Variants in SHLD1 observed in about 807,000 individuals in gnomAD.
The protein encoded by SHLD1 is RINN1-REV7-interacting novel NHEJ regulator 3.
In SHLD1, 3 loss-of-function variants were observed where a neutral mutation model predicts 5.5. The observed-to-expected ratio is 0.54, with a 90% confidence interval of 0.25 to 1.40. The LOEUF is 1.40. Among genes scored for constraint, SHLD1 ranks in the 40% most tolerant of loss-of-function variants. SHLD1 has a pLI of 0.15. For missense variants in SHLD1, 210 were observed against 244.4 expected, an observed-to-expected ratio of 0.86 and a Z score of 0.94; for synonymous variants, 92 against 94.3, an observed-to-expected ratio of 0.98 and a Z score of 0.14.
intron 2 of SHLD1, among the ~76,000 whole-genome samples, chr20:5,852,097 C>T (rs1277832449): frequency 2.0e-5 from 3 of 152,136 alleles, no homozygotes; most frequent in Admixed American, 2.0e-4. Flanking sequence ...CTGAGGCCTC[C>T]TTAGAAGCCT....
At chr20:5,830,234 C>T (rs768566402) in intron 2 of SHLD1, among the ~76,000 whole-genome samples, 23 of 152,158 alleles carry the variant, frequency 1.5e-4, no homozygotes, top group Non-Finnish European at 2.5e-4. Flanking sequence ...TGCCCTTTAT[C>T]AGATAAATAA....
chr20:5,800,087 G>A (rs1160960585), intron 2 of SHLD1, among the ~76,000 whole-genome samples: 1 of 152,146 alleles, frequency 6.6e-6, no homozygotes, highest in Non-Finnish European at 1.5e-5. Context: ...CTGGGTAGGG[G>A]GCAGTGCTAC....
chr20:5,854,086 A>G (rs909146939), intron 2 of SHLD1, among the ~76,000 whole-genome samples: 8 of 149,590 alleles, frequency 5.3e-5, no homozygotes, highest in Non-Finnish European at 1.0e-4. Context: ...GCTCACTGCA[A>G]CCTCCACCTC....
intron 2 of SHLD1, among the ~76,000 whole-genome samples, chr20:5,776,400 A>G (rs1985429550): frequency 6.6e-6 from 1 of 152,098 alleles, no homozygotes; most frequent in South Asian, 2.1e-4. Flanking sequence ...TATGGCCTAG[A>G]GAGAGAGCCT....
chr20:5,772,764 A>G (rs1985234429), intron 1 of SHLD1, 98 bp from the exon 2 acceptor site: 1 of 1,199,004 alleles, frequency 8.3e-7, no homozygotes, highest in African/African-American at 1.5e-5. Context: ...TAAAAATAAA[A>G]ATAAAAAACA....
chr20:5,830,504 A>C (rs2087715699), intron 2 of SHLD1, among the ~76,000 whole-genome samples: 1 of 151,920 alleles, frequency 6.6e-6, no homozygotes, highest in African/African-American at 2.4e-5. Flanking sequence ...ACATGGACCA[A>C]CATGACCAAC....
Position 5,769,644 on chromosome 20 carries a change from GTCTC to G in SHLD1, c.-4-3211_-4-3208del, listed in dbSNP as rs200073176. On this transcript the variant is annotated intron_variant, in intron 1 of 2. Coordinates refer to ENST00000303142, the MANE Select transcript of SHLD1 (RefSeq NM_152504.4). ...CTGTAATATAAGTTATGTGAATGTG[GTCTC>G]TCTCTCAAAATATCTTATTGTACTA... Among the ~76,000 whole-genome samples the G allele has an allele frequency of 5.4e-3, 824 of 152,258 alleles. 7 individuals are homozygous for G. Among genetic ancestry groups the G allele is most frequent in the African/African-American group, 0.019 (780 of 41,554 alleles).
intron 1 of SHLD1, among the ~76,000 whole-genome samples, chr20:5,767,618 C>T (rs906066723): frequency 4.6e-5 from 7 of 152,294 alleles, no homozygotes; most frequent in Non-Finnish European, 7.3e-5. Flanking sequence ...GGCTTAAGTG[C>T]GACAAGTCCA....
intron 2 of SHLD1, among the ~76,000 whole-genome samples, chr20:5,775,923 A>AATTTTTTTTTT (rs1985401150): frequency 1.3e-5 from 1 of 77,678 alleles, no homozygotes; most frequent in African/African-American, 6.0e-5. Flanking sequence ...TCAGCTCAGG[A>AATTTTTTTTTT]TTTTTTTTTT....
intron 2 of SHLD1, among the ~76,000 whole-genome samples, chr20:5,828,159 G>C (rs2122431444): frequency 6.6e-6 from 1 of 152,200 alleles, no homozygotes; most frequent in East Asian, 1.9e-4. Context: ...TCTAGATTTA[G>C]TCACTGTCAT....
chr20:5,780,888 A>C (rs963525258), intron 2 of SHLD1, among the ~76,000 whole-genome samples: 1 of 152,158 alleles, frequency 6.6e-6, no homozygotes, highest in Non-Finnish European at 1.5e-5. Flanking sequence ...TCCTTTTGCT[A>C]TGTGCCCAAC....
chr20:5,837,031 A>G (rs1038661362), intron 2 of SHLD1, among the ~76,000 whole-genome samples: 1 of 152,206 alleles, frequency 6.6e-6, no homozygotes, highest in African/African-American at 2.4e-5. Context: ...TAGGAGTGGA[A>G]CTGAGTGGGG....
In SHLD1 at chr20:5,751,409, C is replaced by G. The variant is rs571795605; in HGVS notation, c.-5+930C>G. Among the ~76,000 whole-genome samples the G allele has an allele frequency of 9.2e-5, 14 of 152,216 alleles. No individual in the cohort carries two copies. The South Asian group carries it at 2.9e-3, about 32-fold the overall frequency. ...GCAACCTCTGCTGCCCAGGTTCAAG[C>G]TAGTCTCCTGCCTGAGCCTCCCGAG... On this transcript the variant is annotated intron_variant, in intron 1 of 2. Coordinates refer to ENST00000303142, the MANE Select transcript of SHLD1 (RefSeq NM_152504.4).
chr20:5,845,258 T>G (rs1333819943), intron 2 of SHLD1, among the ~76,000 whole-genome samples: 4 of 152,260 alleles, frequency 2.6e-5, no homozygotes, highest in African/African-American at 9.6e-5. Context: ...TAGCATGTGC[T>G]GGGCTTCCTG....
intron 2 of SHLD1, among the ~76,000 whole-genome samples, chr20:5,827,842 G>A (rs903313925): frequency 3.3e-5 from 5 of 152,142 alleles, no homozygotes; most frequent in East Asian, 3.9e-4. Flanking sequence ...ACTTCATGCT[G>A]TGGTCTTGCC....
At chr20:5,850,748 G>A (rs10211706) in intron 2 of SHLD1, among the ~76,000 whole-genome samples, 7,725 of 152,126 alleles carry the variant, frequency 0.051, 238 homozygotes, top group African/African-American at 0.086. Context: ...CTGACCTCGC[G>A]ATCTTCTTGC....
chr20:5,793,048 T>C (rs1418772543), intron 2 of SHLD1, among the ~76,000 whole-genome samples: 1 of 152,144 alleles, frequency 6.6e-6, no homozygotes, highest in African/African-American at 2.4e-5. Context: ...CTTTTCCCTA[T>C]TGAGTAGTCT....
intron 1 of SHLD1, among the ~76,000 whole-genome samples, chr20:5,757,908 C>CA (rs1391205009): frequency 6.6e-6 from 1 of 152,128 alleles, no homozygotes; most frequent in Non-Finnish European, 1.5e-5. Flanking sequence ...CAGTCCACAT[C>CA]AATTATTTTC....
intron 2 of SHLD1, among the ~76,000 whole-genome samples, chr20:5,799,555 T>C (rs4815860): frequency 0.85 from 126,812 of 148,880 alleles, 54,256 homozygotes; most frequent in East Asian, 1. Flanking sequence ...CTCAAGCAAT[T>C]TGCTCACCTT....
Sources: allele counts gnomAD v4.1 joint callset (sites outside exome capture counted in the v4.1 genomes callset), GRCh38; gene constraint gnomAD v4.1.1; transcripts MANE v1.5; gene names NCBI Gene and HGNC (gene_info 2026-07-23, HGNC 2026-07-21).